KPNA7: variants seen among roughly 807,000 people sequenced by gnomAD.
KPNA7 encodes the protein karyopherin subunit alpha 7.
A neutral mutation model predicts 53.7 loss-of-function variants in KPNA7; 54 were observed. The observed-to-expected ratio is 1.01, with a 90% CI of 0.81 to 1.26. KPNA7 has a LOEUF of 1.26. Ranked by LOEUF, KPNA7 falls within the 50% of genes most tolerant of loss-of-function variation. KPNA7 has a pLI of 0.00. For synonymous variants in KPNA7, 276 were observed against 259.3 expected, an observed-to-expected ratio of 1.06 and a Z score of -0.62; for missense variants, 640 against 644.5, an observed-to-expected ratio of 0.99 and a Z score of 0.07.
At chr7:99,151,175 C>T in the KPNA7 span, among the ~76,000 whole-genome samples, 1 of 152,060 alleles carries the variant, frequency 6.6e-6, no homozygotes, top group Non-Finnish European at 1.5e-5. Flanking sequence ...GGTTCCTGCC[C>T]TTTTTTTCTG....
At chr7:99,212,693 C>T (rs1330131565), upstream of KPNA7, among the ~76,000 whole-genome samples, 1 of 151,790 alleles carries the variant, frequency 6.6e-6, no homozygotes, top group Non-Finnish European at 1.5e-5. Context: ...AGTTTGAGAC[C>T]AGCCTCAGCA....
At chr7:99,213,704 G>A (rs1166327291) in intron 1 of KPNA7, among the ~76,000 whole-genome samples, 1 of 152,012 alleles carries the variant, frequency 6.6e-6, no homozygotes. Context: ...TCAAACTACT[G>A]GGCTCAAGCA....
In KPNA7 at chr7:99,177,961, C is replaced by T. The variant is rs576692272; in HGVS notation, c.1423G>A (p.Gly475Ser). Residue 475 changes from glycine (G) to serine (S), a missense_variant, in exon 10 of 11, where the codon GGC (glycine) becomes AGC (serine). Physicochemically the swap from Gly to Ser is moderately conservative, Grantham distance 56. Transcript: ENST00000327442. ...ALQLHENRQI[G>S]QSALNIIEKH... ...TCGATGATGTTCAAAGCCGACTGGC[C>T]AATTTGACGGTTCTCATGCAGCTGT... 6 of 1,552,032 alleles carry T rather than the reference C, an allele frequency of 3.9e-6. No homozygotes were observed. Among genetic ancestry groups the T allele is most frequent in the Admixed American group, 3.9e-5 (2 of 50,978 alleles).
chr7:99,188,572 A>G lies in KPNA7; in HGVS notation c.637-9T>C, dbSNP rs1326958202. ...TTCCGCAGAAATGTGATCTGTAACA[A>G]GGAGACTGCCTCCAGCATTGGGTGC... On this transcript the variant is annotated splice_polypyrimidine_tract_variant and intron_variant, in intron 6 of 10. Coordinates refer to ENST00000327442, the MANE Select transcript of KPNA7 (RefSeq NM_001145715.3). 3.9e-6 allele frequency: 6 copies of G among 1,548,790 alleles called. No individual in the cohort carries two copies. In the African/African-American group the frequency reaches 5.5e-5, roughly 14 times the overall value.
At chr7:99,195,415 G>T (rs1790179454) in intron 4 of KPNA7, 77 bp from the exon 5 acceptor site, 2 of 1,375,132 alleles carry the variant, frequency 1.5e-6, no homozygotes, top group Admixed American at 2.1e-5. Flanking sequence ...TAGGCCAGGT[G>T]CGGTGGCTCA....
chr7:99,195,926 G>A (rs951018849), intron 4 of KPNA7, among the ~76,000 whole-genome samples, 158 bp downstream of exon 4: 2 of 152,196 alleles, frequency 1.3e-5, no homozygotes, highest in Non-Finnish European at 2.9e-5. Context: ...GGACAGTGTA[G>A]AATAGCAATT....
chr7:99,193,507 C>T (rs1379176315), intron 5 of KPNA7, among the ~76,000 whole-genome samples: 1 of 152,170 alleles, frequency 6.6e-6, no homozygotes, highest in Non-Finnish European at 1.5e-5. Flanking sequence ...CCATCAGCTA[C>T]CTTAGCTAGG....
the KPNA7 span, among the ~76,000 whole-genome samples, chr7:99,158,493 G>T: frequency 6.6e-6 from 1 of 151,764 alleles, no homozygotes; most frequent in African/African-American, 2.4e-5. Context: ...GTTTTCATTT[G>T]TACTATCTTT....
chr7:99,197,510 G>C (rs999051647), intron 3 of KPNA7, among the ~76,000 whole-genome samples: 2 of 152,156 alleles, frequency 1.3e-5, no homozygotes, highest in African/African-American at 2.4e-5. Context: ...AGTCCCTGAG[G>C]AGACCAGATG....
chr7:99,161,222 A>ACTCTCT, the KPNA7 span, among the ~76,000 whole-genome samples: 318 of 147,698 alleles, frequency 2.2e-3, 6 homozygotes, highest in African/African-American at 7.6e-3. Flanking sequence ...ATGTACACAA[A>ACTCTCT]CTCTCTCTCT....
At position 99,177,953 on chromosome 7, in the gene KPNA7, C is replaced by T. The variant is rs1371780173; in HGVS notation, c.1431G>A (p.Ser477=). ...AGTGCTTCTCGATGATGTTCAAAGCCGACTGGCCAATTTGACGGTTCTCAT... is the reference window on the plus strand; with the variant it reads ...AGTGCTTCTCGATGATGTTCAAAGCTGACTGGCCAATTTGACGGTTCTCAT... ...QLHENRQIGQ[S]ALNIIEKHFG... The change falls in exon 10 of 11, where the codon TCG becomes TCA. Residue 477 remains serine, a synonymous_variant. Transcript: ENST00000327442. 1.8e-5 allele frequency: 28 copies of T among 1,551,896 alleles called. No individual in the cohort carries two copies. Among genetic ancestry groups the T allele is most frequent in the East Asian group, 2.4e-5 (1 of 40,910 alleles).
rs756807848 is a variant in KPNA7 at position 99,178,771 on chromosome 7, C to CAAAA, written c.1318-709_1318-706dup. 7.0e-3 allele frequency among the ~76,000 whole-genome samples: 195 copies of CAAAA among 27,708 alleles called. 20 individuals are homozygous for CAAAA. Among genetic ancestry groups the CAAAA allele is most frequent in the South Asian group, 0.011 (4 of 374 alleles). The allele number at this position is 27,708 out of a possible 152,430, so 18.2% of individuals were successfully genotyped here. A position where few individuals can be genotyped will look rare whatever the true frequency, so the allele number is the denominator to read the frequency against. The stretch of plus-strand genomic sequence containing the variant: ...GCATTTGGCCCAAATATCTTTGTCT[C>CAAAA]AAAAAAAAAAAAAAAAAAAAAAAAA... On this transcript the variant is annotated intron_variant, in intron 9 of 10. Transcript: ENST00000327442.
At chr7:99,217,175 C>CA (rs1228693589) in intron 1 of KPNA7, among the ~76,000 whole-genome samples, 4 of 152,154 alleles carry the variant, frequency 2.6e-5, no homozygotes, top group Non-Finnish European at 5.9e-5. Flanking sequence ...CCAATAACCC[C>CA]ACTCCTCCAC....
the KPNA7 span, among the ~76,000 whole-genome samples, chr7:99,166,859 T>C: frequency 6.0e-5 from 9 of 150,726 alleles, no homozygotes; most frequent in East Asian, 1.8e-3. Context: ...GACCTCGTGA[T>C]CCACCACCTC....
chr7:99,190,653 CTTT>C (rs78243243), intron 6 of KPNA7, among the ~76,000 whole-genome samples: 5 of 120,826 alleles, frequency 4.1e-5, no homozygotes, highest in African/African-American at 6.2e-5. Context: ...GCCAGTAAAA[CTTT>C]TTTTTTTTTT....
upstream of KPNA7, among the ~76,000 whole-genome samples, chr7:99,211,939 C>T (rs942118706): frequency 7.2e-5 from 11 of 152,116 alleles, no homozygotes; most frequent in African/African-American, 1.9e-4. Context: ...TAAACATTCA[C>T]GAAGCTCTCA....
intron 1 of KPNA7, among the ~76,000 whole-genome samples, chr7:99,215,780 G>A (rs1396956281): frequency 6.6e-6 from 1 of 151,866 alleles, no homozygotes; most frequent in Non-Finnish European, 1.5e-5. Context: ...CAAGACTTGG[G>A]GCAACACAGT....
chr7:99,218,969 C>T (rs1192638675), intron 1 of KPNA7, among the ~76,000 whole-genome samples: 5 of 152,256 alleles, frequency 3.3e-5, no homozygotes, highest in Non-Finnish European at 7.3e-5. Context: ...GGCCAGGAGC[C>T]GCAGCCTCCA....
upstream of KPNA7, among the ~76,000 whole-genome samples, chr7:99,210,396 A>G (rs1200766408): frequency 5.3e-5 from 8 of 151,768 alleles, no homozygotes; most frequent in African/African-American, 1.4e-4. Flanking sequence ...CCTACTCCCC[A>G]TGGTAACAGT....
Sources: gnomAD v4.1 joint callset for allele counts (sites outside exome capture counted in the v4.1 genomes callset) on GRCh38, gnomAD v4.1.1 for gene constraint, MANE v1.5 for transcripts, NCBI Gene and HGNC (gene_info 2026-07-23, HGNC 2026-07-21) for gene names.